The following KIF5C variants were observed in gnomAD, a reference collection of about 807,000 sequenced individuals.
The protein encoded by KIF5C is kinesin heavy chain isoform 5C.
KIF5C carries 18 observed loss-of-function variants against 125.2 expected under a neutral mutation model. That is an observed-to-expected ratio of 0.14 (90% CI 0.10 to 0.21). The LOEUF is 0.21. KIF5C is among the 10% of genes least tolerant of loss of function. The pLI, the probability that KIF5C is intolerant of heterozygous loss-of-function variation, is 1.00. For synonymous variants in KIF5C, 405 were observed against 434.0 expected (o/e 0.93, Z 0.83); for missense variants, 780 against 1,183.8 (o/e 0.66, Z 5.01).
chr2:148,995,844 A>G (rs956920703), intron 17 of KIF5C, among the ~76,000 whole-genome samples: 3 of 152,214 alleles, frequency 2.0e-5, no homozygotes, highest in Admixed American at 1.3e-4. Context: ...TATTCTTACT[A>G]TGGTTATAAC....
chr2:148,918,082 T>G (rs1306469851), intron 1 of KIF5C, among the ~76,000 whole-genome samples: 1 of 152,220 alleles, frequency 6.6e-6, no homozygotes, highest in Non-Finnish European at 1.5e-5. Flanking sequence ...ACACCTTGCA[T>G]TCAACAATTT....
At chr2:148,899,659 C>T (rs1243306664) in intron 1 of KIF5C, among the ~76,000 whole-genome samples, 12 of 146,658 alleles carry the variant, frequency 8.2e-5, no homozygotes, top group Admixed American at 2.1e-4. Flanking sequence ...GCCGAGGTCG[C>T]GCCACTGCTC....
Position 148,949,957 on chromosome 2 carries a change from C to T in KIF5C, c.819+14C>T, listed in dbSNP as rs78418361. 71 of 1,609,668 alleles carry T rather than the reference C, an allele frequency of 4.4e-5. No homozygotes were observed. The highest frequency in any genetic ancestry group is 5.9e-5 in the Non-Finnish European group (69 of 1,177,908). On this transcript the variant is annotated intron_variant, in intron 9 of 25. Transcript: ENST00000435030. ...GCAGAAGGGACAGTAAGTGATCCTG[C>T]CCCCATCTATTAAGTAATATTATGA...
intron 1 of KIF5C, among the ~76,000 whole-genome samples, chr2:148,911,602 A>T (rs1681341098): frequency 6.6e-6 from 1 of 152,144 alleles, no homozygotes; most frequent in South Asian, 2.1e-4. Flanking sequence ...AAGGGGTTAG[A>T]GCTGGGGCAG....
chr2:148,954,818 C>G (rs1417419142), intron 10 of KIF5C, among the ~76,000 whole-genome samples: 1 of 152,294 alleles, frequency 6.6e-6, no homozygotes, highest in Middle Eastern at 3.4e-3. Flanking sequence ...GTCACCAGAA[C>G]ATGAGAACAC....
chr2:149,010,060 C>A, intron 23 of KIF5C, 75 bp from the exon 24 acceptor site: 1 of 1,468,604 alleles, frequency 6.8e-7, no homozygotes, highest in South Asian at 1.4e-5. Flanking sequence ...GCAGCAGGGG[C>A]TGCTTCTGGC....
intron 15 of KIF5C, among the ~76,000 whole-genome samples, chr2:148,989,097 C>G (rs1297778397): frequency 6.6e-6 from 1 of 152,138 alleles, no homozygotes; most frequent in Non-Finnish European, 1.5e-5. Flanking sequence ...AGTGTGTGCT[C>G]TTTTATCCCT....
chr2:148,992,120 CT>C (rs1376148654), intron 16 of KIF5C, among the ~76,000 whole-genome samples: 1 of 152,196 alleles, frequency 6.6e-6, no homozygotes, highest in Non-Finnish European at 1.5e-5. Flanking sequence ...ACACTTTATT[CT>C]GGTATGCTTT....
chr2:148,897,130 G>C (rs1462956454), intron 1 of KIF5C, among the ~76,000 whole-genome samples: 1 of 152,150 alleles, frequency 6.6e-6, no homozygotes, highest in African/African-American at 2.4e-5. Flanking sequence ...ACTGCGCCCG[G>C]CCAAGATCAT....
intron 19 of KIF5C, 90 bp downstream of exon 19, chr2:148,998,599 G>T: frequency 2.0e-6 from 3 of 1,526,080 alleles, no homozygotes; most frequent in South Asian, 2.5e-5. Flanking sequence ...TTAGTCGAGG[G>T]CCCTGCTCAC....
intron 21 of KIF5C, among the ~76,000 whole-genome samples, chr2:149,002,760 A>G (rs1407874407): frequency 6.6e-6 from 1 of 151,996 alleles, no homozygotes; most frequent in African/African-American, 2.4e-5. Context: ...CACTGTCACA[A>G]CCACCTCCGT....
intron 10 of KIF5C, among the ~76,000 whole-genome samples, chr2:148,955,569 TA>T (rs1254832799): frequency 5.3e-5 from 8 of 152,120 alleles, no homozygotes; most frequent in Non-Finnish European, 8.8e-5. Flanking sequence ...CTTAAGTAAA[TA>T]AAAGAGTGAG....
intron 3 of KIF5C, among the ~76,000 whole-genome samples, chr2:148,930,895 A>G (rs140460603): frequency 1.3e-5 from 2 of 152,214 alleles, no homozygotes; most frequent in African/African-American, 4.8e-5. Context: ...CCACCCTGCT[A>G]TCCTCACGCT....
chr2:148,955,623 A>T (rs1292529609), intron 10 of KIF5C, among the ~76,000 whole-genome samples: 1 of 151,900 alleles, frequency 6.6e-6, no homozygotes, highest in Admixed American at 6.6e-5. Context: ...GTAGGATTTT[A>T]TATATACAAT....
chr2:148,994,087 C>T (rs1261187785), intron 16 of KIF5C, among the ~76,000 whole-genome samples: 1 of 152,202 alleles, frequency 6.6e-6, no homozygotes, highest in Non-Finnish European at 1.5e-5. Context: ...TTCAGCCCTG[C>T]ACTTTTCCCA....
At chr2:148,904,713 G>C (rs1681036303) in intron 1 of KIF5C, among the ~76,000 whole-genome samples, 1 of 152,154 alleles carries the variant, frequency 6.6e-6, no homozygotes, top group South Asian at 2.1e-4. Context: ...ATGTGGAATG[G>C]AGCTAAGAAA....
intron 3 of KIF5C, among the ~76,000 whole-genome samples, chr2:148,931,130 C>CA (rs1208358715): frequency 6.6e-6 from 1 of 151,576 alleles, no homozygotes; most frequent in Non-Finnish European, 1.5e-5. Context: ...GTTTTATTAC[C>CA]AAACTATATA....
chr2:148,914,871 G>T (rs1054960462), intron 1 of KIF5C, among the ~76,000 whole-genome samples: 1 of 152,246 alleles, frequency 6.6e-6, no homozygotes, highest in Non-Finnish European at 1.5e-5. Flanking sequence ...TGGGGAGCTG[G>T]AGTAGAGGCT....
At chr2:149,000,804 T>G (rs984414982) in intron 21 of KIF5C, 22 bp downstream of exon 21, 55 of 1,612,306 alleles carry the variant, frequency 3.4e-5, no homozygotes, top group Non-Finnish European at 4.3e-5. Context: ...TATTTCCCGA[T>G]TTATGTTTGT....
Sources: gnomAD v4.1 joint callset for allele counts (sites outside exome capture counted in the v4.1 genomes callset) on GRCh38, gnomAD v4.1.1 for gene constraint, MANE v1.5 for transcripts, NCBI Gene and HGNC (gene_info 2026-07-23, HGNC 2026-07-21) for gene names.